Variants in CENPE observed in about 807,000 individuals in gnomAD.
CENPE encodes the protein centromere protein E, also known as centromere-associated protein E.
In CENPE, 145 loss-of-function variants were observed where a neutral mutation model predicts 336.1. The ratio of observed to expected loss-of-function variants is 0.43; its 90% confidence interval spans 0.38 to 0.50. The LOEUF (loss-of-function observed/expected upper bound fraction) is 0.50. CENPE is among the 20% of genes least tolerant of loss of function. CENPE has a pLI of 0.00. For synonymous variants in CENPE, 1,013 were observed against 984.8 expected (o/e 1.03, Z -0.54); for missense variants, 2,719 against 3,023.3 (o/e 0.90, Z 2.36).
chr4:103,177,286 C>T (rs1578665387), intron 13 of CENPE, among the ~76,000 whole-genome samples: 2 of 147,326 alleles, frequency 1.4e-5, no homozygotes, highest in Non-Finnish European at 3.1e-5. Context: ...TTTATCCACT[C>T]CTTCCTCAAC....
intron 16 of CENPE, among the ~76,000 whole-genome samples, chr4:103,165,577 A>C (rs973051535): frequency 3.3e-5 from 5 of 152,218 alleles, no homozygotes; most frequent in African/African-American, 1.2e-4. Flanking sequence ...ATTTTGCTAC[A>C]TACACATAGA....
At chr4:103,136,655 T>C (rs778871302) in intron 39 of CENPE, among the ~76,000 whole-genome samples, 1 of 152,242 alleles carries the variant, frequency 6.6e-6, no homozygotes, top group African/African-American at 2.4e-5. Flanking sequence ...ATCCATGATA[T>C]GAATCAACAT....
In CENPE at chr4:103,181,358, A is replaced by G; in HGVS notation, c.1062T>C (p.Asp354=). The G allele has an allele frequency of 6.5e-7, 1 of 1,541,150 alleles. No homozygotes were observed. Among genetic ancestry groups the G allele is most frequent in the Non-Finnish European group, 8.8e-7 (1 of 1,135,674 alleles). ...ATACCTCCTCTAATTGTTTTTTAAGATCCATTATTTCTTTTCTATACCTTT... is the reference window on the plus strand; with the variant it reads ...ATACCTCCTCTAATTGTTTTTTAAGGTCCATTATTTCTTTTCTATACCTTT... ...LLKRYRKEIM[D]LKKQLEEVSL... is the part of the protein sequence containing the mutation. Residue 354 remains aspartate (D), a synonymous_variant, in exon 12 of 49, where the codon GAT becomes GAC. Coordinates refer to ENST00000265148, the MANE Select transcript of CENPE (RefSeq NM_001813.3).
In CENPE at chr4:103,140,980, A is replaced by G. The variant is rs1432778186; in HGVS notation, c.5588T>C (p.Leu1863Pro). 6.2e-7 allele frequency: 1 copy of G among 1,612,206 alleles called. No individual in the cohort carries two copies. Among genetic ancestry groups the G allele is most frequent in the Non-Finnish European group, 8.5e-7 (1 of 1,178,664 alleles). ...KKQIKDQSLT[L>P]SKLEIENLNL... ...TAAATTCTCTATTTCTAATTTACTC[A>G]GAGTTAAGCTTTGGTCTTTTATTTG... Residue 1863 changes from leucine to proline, a missense_variant, in exon 36 of 49, where the codon CTG (leucine) becomes CCG (proline). Transcript: ENST00000265148.
intron 38 of CENPE, among the ~76,000 whole-genome samples, chr4:103,138,779 G>A (rs1209330957): frequency 6.6e-6 from 1 of 152,054 alleles, no homozygotes; most frequent in Non-Finnish European, 1.5e-5. Context: ...CGAGGCAGGA[G>A]GATCACTTGA....
intron 16 of CENPE, among the ~76,000 whole-genome samples, chr4:103,166,951 T>C (rs1754975931): frequency 6.6e-6 from 1 of 152,192 alleles, no homozygotes; most frequent in African/African-American, 2.4e-5. Context: ...AGTCTGATGG[T>C]TTCTGGATTA....
Position 103,198,216 on chromosome 4 carries a change from C to A in CENPE, c.56+48G>T, listed in dbSNP as rs1233658238. 15 of 1,535,162 alleles carry A rather than the reference C, an allele frequency of 9.8e-6. No individual in the cohort carries two copies. In the South Asian group the frequency reaches 1.8e-4, roughly 18 times the overall value. On this transcript the variant is annotated intron_variant, in intron 1 of 48. Coordinates refer to ENST00000265148, the MANE Select transcript of CENPE (RefSeq NM_001813.3). ...TAGGCCTCGCCCCTCCGGCTCAGGGCGGCGCCGCAGGCCCAGCGGGCACCG... is the reference window on the plus strand; with the variant it reads ...TAGGCCTCGCCCCTCCGGCTCAGGGAGGCGCCGCAGGCCCAGCGGGCACCG...
intron 11 of CENPE, 110 bp from the exon 12 acceptor site, chr4:103,181,566 C>A (rs917775742): frequency 1.1e-6 from 1 of 882,976 alleles, no homozygotes; most frequent in Non-Finnish European, 1.6e-6. Flanking sequence ...AATACTCTTT[C>A]TAGTTGGCTT....
chr4:103,165,630 G>T (rs6810571), intron 16 of CENPE, among the ~76,000 whole-genome samples: 68,272 of 151,846 alleles, frequency 0.45, 16,078 homozygotes, highest in African/African-American at 0.6. Context: ...TGCAAAACTG[G>T]TTTTGAACAG....
intron 16 of CENPE, among the ~76,000 whole-genome samples, chr4:103,170,331 A>T (rs1281086118): frequency 1.3e-5 from 2 of 152,206 alleles, no homozygotes; most frequent in Non-Finnish European, 2.9e-5. Context: ...GCCAGGAGGG[A>T]GTGCAATGAT....
chr4:103,176,040 A>T lies in CENPE; in HGVS notation c.1399T>A (p.Ser467Thr). The stretch of plus-strand genomic sequence containing the variant: ...GTGTTACTGAAAACATCAGACTCTG[A>T]ACAGACAGCTATAATTAGAGAAAAA... ...LLREIDESVC[S>T]ESDVFSNTLD... Residue 467 changes from serine to threonine, a missense_variant, in exon 15 of 49, where the codon TCA becomes ACA. Ser to Thr is a moderately conservative substitution (Grantham distance 58). This residue lies in a region of CENPE where 2,437 missense variants were observed against 2,513.3 expected (regional missense o/e 0.97). Coordinates refer to ENST00000265148, the MANE Select transcript of CENPE (RefSeq NM_001813.3). The T allele has an allele frequency of 6.3e-6, 10 of 1,589,640 alleles. No individual in the cohort carries two copies. Among genetic ancestry groups the T allele is most frequent in the Non-Finnish European group, 8.6e-6 (10 of 1,168,576 alleles).
At chr4:103,112,017 C>T (rs1196408826) in intron 46 of CENPE, among the ~76,000 whole-genome samples, 1 of 151,568 alleles carries the variant, frequency 6.6e-6, no homozygotes, top group Non-Finnish European at 1.5e-5. Context: ...TATGTATATA[C>T]ACTTTTTTAA....
chr4:103,192,860 C>T (rs547140294), intron 8 of CENPE, among the ~76,000 whole-genome samples: 36 of 150,628 alleles, frequency 2.4e-4, no homozygotes, highest in African/African-American at 8.5e-4. Context: ...GAAATGATGA[C>T]AGAACATTTG....
chr4:103,114,078 A>G (rs1749852940), intron 46 of CENPE, among the ~76,000 whole-genome samples: 1 of 152,156 alleles, frequency 6.6e-6, no homozygotes, highest in African/African-American at 2.4e-5. Context: ...TACACCAATT[A>G]TAACTTATTA....
chr4:103,195,019 C>T lies in CENPE; in HGVS notation c.477+95G>A, dbSNP rs1254513484. The T allele has an allele frequency of 2.2e-5, 24 of 1,104,886 alleles. 1 individual carries two copies. The South Asian group carries it at 4.2e-4, about 19-fold the overall frequency. 68.4% of individuals were successfully genotyped at this position (1,104,886 alleles called of 1,614,324 possible). On this transcript the variant is annotated intron_variant, in intron 5 of 48. Coordinates refer to ENST00000265148, the MANE Select transcript of CENPE (RefSeq NM_001813.3). ...CCTCACATACTATAGAAATAGGAGA[C>T]ACTTTAAAAACTATAGAAATTAAAG...
At chr4:103,130,162 A>G (rs1038933878) in intron 42 of CENPE, among the ~76,000 whole-genome samples, 1 of 152,238 alleles carries the variant, frequency 6.6e-6, no homozygotes, top group African/African-American at 2.4e-5. Flanking sequence ...AGTCCAAATT[A>G]ACGCCATAAG....
intron 34 of CENPE, 47 bp from the exon 35 acceptor site, chr4:103,141,955 A>C (rs779961675): frequency 8.6e-7 from 1 of 1,157,176 alleles, no homozygotes; most frequent in East Asian, 2.5e-5. Context: ...TCTTAATATT[A>C]GTTTTTAAAA....
Position 103,129,966 on chromosome 4 carries a change from C to T in CENPE, c.6924+2727G>A, listed in dbSNP as rs115119981. ...GATGCAGAAAAAATTTGTCAAAATC[C>T]AATACCCATTCATAATTTAAAACTC... On this transcript the variant is annotated intron_variant, in intron 42 of 48. Coordinates refer to ENST00000265148, the MANE Select transcript of CENPE (RefSeq NM_001813.3). 4.6e-3 allele frequency among the ~76,000 whole-genome samples: 707 copies of T among 152,176 alleles called. 9 individuals are homozygous for T. Among genetic ancestry groups the T allele is most frequent in the African/African-American group, 0.017 (691 of 41,526 alleles).
rs1196187898 is a variant in CENPE, at chr4:103,145,846, T to C, written c.4396A>G (p.Lys1466Glu). ...AAACCTACTTTAGCTACAATTTCTT[T>C]TATGTTTTCTTTGAGCTGGTCACTT... ...SESDQLKENI[K>E]EIVAKHLETE... The change falls in exon 30 of 49, where the codon AAA becomes GAA. Residue 1466 changes from lysine to glutamate, a missense_variant. Coordinates refer to ENST00000265148, the MANE Select transcript of CENPE (RefSeq NM_001813.3). 1 of 1,595,206 alleles carries C rather than the reference T, an allele frequency of 6.3e-7. No individual in the cohort carries two copies. The highest frequency in any genetic ancestry group is 1.4e-5 in the African/African-American group (1 of 73,650).
Sources: allele counts gnomAD v4.1 joint callset (sites outside exome capture counted in the v4.1 genomes callset), GRCh38; gene constraint gnomAD v4.1.1; regional missense constraint gnomAD v4.1.1; transcripts MANE v1.5; gene names NCBI Gene and HGNC (gene_info 2026-07-23, HGNC 2026-07-21).